SPOCK3: variants seen among roughly 807,000 people sequenced by gnomAD.
SPOCK3 encodes the protein SPARC (osteonectin), cwcv and kazal like domains proteoglycan 3.
SPOCK3 carries 30 observed loss-of-function variants against 56.6 expected under a neutral mutation model. That is an observed-to-expected ratio of 0.53 (90% CI 0.40 to 0.72). The LOEUF (loss-of-function observed/expected upper bound fraction) is 0.72. Among genes scored for constraint, SPOCK3 ranks in the 30% least tolerant of loss-of-function variants. SPOCK3 has a pLI of 0.00. For missense variants in SPOCK3, 527 were observed against 530.0 expected, an observed-to-expected ratio of 0.99 and a Z score of 0.06; for synonymous variants, 196 against 183.3, an observed-to-expected ratio of 1.07 and a Z score of -0.56.
chr4:167,058,140 T>C (rs1755118034), intron 3 of SPOCK3, among the ~76,000 whole-genome samples: 1 of 152,152 alleles, frequency 6.6e-6, no homozygotes, highest in Non-Finnish European at 1.5e-5. Flanking sequence ...GTGTTGGAAG[T>C]TCTGGCCAGG....
intron 3 of SPOCK3, among the ~76,000 whole-genome samples, chr4:167,002,017 G>C (rs929506114): frequency 6.6e-6 from 1 of 152,058 alleles, no homozygotes; most frequent in Admixed American, 6.6e-5. Context: ...AGAGTTCAGT[G>C]GTGCGATCTC....
chr4:166,982,178 A>C (rs1834834), intron 4 of SPOCK3, among the ~76,000 whole-genome samples: 1 of 152,114 alleles, frequency 6.6e-6, no homozygotes, highest in Non-Finnish European at 1.5e-5. Flanking sequence ...ATGTGACCCC[A>C]GCCATGCCTC....
At position 166,974,987 on chromosome 4, in the gene SPOCK3, A is replaced by G. The variant is rs181066122; in HGVS notation, c.350+25362T>C. On this transcript the variant is annotated intron_variant, in intron 4 of 10. Transcript: ENST00000357545. ...TAGATTAATCAATTAACAATTTATC[A>G]TGGGTGTGGGTTAGTTATCATGAGA... Among the ~76,000 whole-genome samples the G allele has an allele frequency of 1.3e-3, 198 of 152,236 alleles. 1 individual carries two copies. The highest frequency in any genetic ancestry group is 4.1e-3 in the African/African-American group (170 of 41,538).
At chr4:167,195,806 T>G (rs1248043085) in intron 2 of SPOCK3, among the ~76,000 whole-genome samples, 1 of 152,180 alleles carries the variant, frequency 6.6e-6, no homozygotes, top group East Asian at 1.9e-4. Flanking sequence ...GTGCAGACCT[T>G]CCTTCTCAAA....
Position 167,190,785 on chromosome 4 carries a change from T to G in SPOCK3, c.189+43200A>C, listed in dbSNP as rs138732122. Among the ~76,000 whole-genome samples, 93 of 146,032 alleles carry G rather than the reference T, an allele frequency of 6.4e-4. 16 individuals are homozygous for G. The East Asian group carries it at 0.016, about 25-fold the overall frequency. On this transcript the variant is annotated intron_variant, in intron 2 of 10. Transcript: ENST00000357545. ...TCTTTAATCCATTTTAAGTTAAATT[T>G]TGTGTATGATATAAGATAAGGGTCC...
chr4:167,211,025 T>C (rs1426933697), intron 2 of SPOCK3, among the ~76,000 whole-genome samples: 1 of 152,338 alleles, frequency 6.6e-6, no homozygotes, highest in African/African-American at 2.4e-5. Context: ...TTATAAATTA[T>C]GTAATTGATA....
At chr4:167,171,182 GAA>G (rs1158340442) in intron 2 of SPOCK3, among the ~76,000 whole-genome samples, 1 of 152,102 alleles carries the variant, frequency 6.6e-6, no homozygotes, top group East Asian at 1.9e-4. Context: ...AATGAGGAAA[GAA>G]GGGCTTATTT....
intron 3 of SPOCK3, among the ~76,000 whole-genome samples, chr4:167,023,551 T>C (rs969820228): frequency 1.1e-4 from 17 of 151,948 alleles, no homozygotes; most frequent in Admixed American, 8.5e-4. Flanking sequence ...TGTAGGAAGC[T>C]ACAGTTAATT....
chr4:166,997,353 CCTTTT>C (rs1447817992), intron 4 of SPOCK3, among the ~76,000 whole-genome samples: 1 of 152,076 alleles, frequency 6.6e-6, no homozygotes, highest in African/African-American at 2.4e-5. Flanking sequence ...TCCTCCTTTT[CCTTTT>C]ATTTGATAAA....
At chr4:166,938,051 C>T (rs541776861) in intron 4 of SPOCK3, among the ~76,000 whole-genome samples, 4 of 151,800 alleles carry the variant, frequency 2.6e-5, no homozygotes, top group African/African-American at 9.7e-5. Flanking sequence ...CTCAGCCTCC[C>T]AAAGTGCTGG....
Position 166,756,157 on chromosome 4 carries a change from C to A in SPOCK3, c.710-1428G>T, listed in dbSNP as rs1473811438. Among the ~76,000 whole-genome samples the A allele has an allele frequency of 1.9e-3, 58 of 30,116 alleles. 19 individuals carry two copies. The highest frequency in any genetic ancestry group is 7.8e-3 in the African/African-American group (55 of 7,022). The allele number at this position is 30,116 out of a possible 152,430, so 19.8% of individuals were successfully genotyped here. A position where few individuals can be genotyped will look rare whatever the true frequency, so the allele number is the denominator to read the frequency against. ...ACCTGGAAAATCAGGTCACTCCCAC[C>A]CGAATATTGCGCTTTTCAGACCGGC... On this transcript the variant is annotated intron_variant, in intron 7 of 10. Transcript: ENST00000357545.
At chr4:167,100,090 T>A (rs1468782059) in intron 2 of SPOCK3, among the ~76,000 whole-genome samples, 5 of 152,132 alleles carry the variant, frequency 3.3e-5, no homozygotes, top group Non-Finnish European at 7.4e-5. Context: ...TCTATCCTTT[T>A]TAAAAGTAAT....
intron 2 of SPOCK3, among the ~76,000 whole-genome samples, chr4:167,164,083 C>G (rs1241277265): frequency 6.6e-6 from 1 of 151,962 alleles, no homozygotes; most frequent in East Asian, 1.9e-4. Context: ...CTTTAAAATA[C>G]TAAACCCAGA....
In SPOCK3 at chr4:167,109,933, C is replaced by G. The variant is rs546039629; in HGVS notation, c.190-47396G>C. ...TGTCCTCCTTTCTCGTCTTACTAGC[C>G]TGAACTCCATTTCTTACTTTCTAGC... On this transcript the variant is annotated intron_variant, in intron 2 of 10. Coordinates refer to ENST00000357545, the MANE Select transcript of SPOCK3 (RefSeq NM_001040159.2). Among the ~76,000 whole-genome samples, 6 of 152,036 alleles carry G rather than the reference C, an allele frequency of 3.9e-5. No individual in the cohort carries two copies. In the South Asian group the frequency reaches 1.2e-3, roughly 32 times the overall value.
At chr4:167,058,496 A>G (rs1755173128) in intron 3 of SPOCK3, among the ~76,000 whole-genome samples, 1 of 152,196 alleles carries the variant, frequency 6.6e-6, no homozygotes, top group Non-Finnish European at 1.5e-5. Flanking sequence ...CAATGAAATA[A>G]AAGAGGATAC....
chr4:167,202,681 C>T (rs1016214696), intron 2 of SPOCK3, among the ~76,000 whole-genome samples: 2 of 151,798 alleles, frequency 1.3e-5, no homozygotes, highest in Admixed American at 6.6e-5. Flanking sequence ...ACTGCATCAC[C>T]TTCCACCCAT....
In SPOCK3 at chr4:167,062,524, C is replaced by G; in HGVS notation, c.203G>C (p.Arg68Pro). ...GAAGGGTTTTCCTGGACTCCAAGTG[C>G]GGAAATAATCATCCTAAGGGGGAAA... is the stretch of plus-strand genomic sequence containing the variant. ...WNKFRDDDYFRTWSPGKPFDQ... is the reference protein window; with the variant it reads ...WNKFRDDDYFPTWSPGKPFDQ... Residue 68 changes from arginine to proline, a missense_variant, in exon 3 of 11, where the codon CGC (arginine) becomes CCC (proline). Coordinates refer to ENST00000357545, the MANE Select transcript of SPOCK3 (RefSeq NM_001040159.2). 1 of 1,605,404 alleles carries G rather than the reference C, an allele frequency of 6.2e-7. No individual in the cohort carries two copies. The highest frequency in any genetic ancestry group is 8.5e-7 in the Non-Finnish European group (1 of 1,173,822).
At chr4:166,941,185 A>C (rs1324644154) in intron 4 of SPOCK3, among the ~76,000 whole-genome samples, 2 of 150,224 alleles carry the variant, frequency 1.3e-5, no homozygotes, top group Admixed American at 1.3e-4. Flanking sequence ...TATGCCTCCC[A>C]AGAATGTAGA....
chr4:167,124,154 C>A (rs1367631281), intron 2 of SPOCK3, among the ~76,000 whole-genome samples: 2 of 152,098 alleles, frequency 1.3e-5, no homozygotes, highest in Non-Finnish European at 2.9e-5. Flanking sequence ...ATGTTCCTGA[C>A]CTGTGAATGT....
Sources: gnomAD v4.1 joint callset for allele counts (sites outside exome capture counted in the v4.1 genomes callset) on GRCh38, gnomAD v4.1.1 for gene constraint, MANE v1.5 for transcripts, NCBI Gene and HGNC (gene_info 2026-07-23, HGNC 2026-07-21) for gene names.